The following ADH1C variants were observed in gnomAD, a reference collection of about 807,000 sequenced individuals.
ADH1C encodes alcohol dehydrogenase 1C.
ADH1C carries 26 observed loss-of-function variants against 35.0 expected under a neutral mutation model. That is an observed-to-expected ratio of 0.74 (90% CI 0.54 to 1.03). The LOEUF (loss-of-function observed/expected upper bound fraction) is 1.03, where lower values mean the gene tolerates loss of function less well. Among genes scored for constraint, ADH1C ranks in the 50% least tolerant of loss-of-function variants. ADH1C has a pLI of 0.00. For synonymous variants in ADH1C, 170 were observed against 169.3 expected (o/e 1.00, Z -0.03); for missense variants, 413 against 465.4 (o/e 0.89, Z 1.04).
intron 6 of ADH1C, among the ~76,000 whole-genome samples, chr4:99,341,705 T>C (rs1029310781): frequency 1.8e-4 from 28 of 152,168 alleles, no homozygotes; most frequent in African/African-American, 6.5e-4. Flanking sequence ...ACTTTTTCAG[T>C]AGGAGTCTAG....
At chr4:99,337,263 G>A (rs1268957370) in intron 8 of ADH1C, among the ~76,000 whole-genome samples, 1 of 151,632 alleles carries the variant, frequency 6.6e-6, no homozygotes, top group East Asian at 1.9e-4. Context: ...AATTTGCTCT[G>A]GTCGCACATC....
At chr4:99,348,347 A>G (rs982286991) in intron 1 of ADH1C, among the ~76,000 whole-genome samples, 5 of 147,170 alleles carry the variant, frequency 3.4e-5, no homozygotes, top group Non-Finnish European at 6.0e-5. Flanking sequence ...TCATTGTTCA[A>G]TTTCCACCTA....
chr4:99,347,917 C>T (rs1197510717), intron 1 of ADH1C, 71 bp from the exon 2 acceptor site: 4 of 1,557,468 alleles, frequency 2.6e-6, no homozygotes, highest in Middle Eastern at 1.7e-4. Context: ...GTCTTTTCAT[C>T]TTTGTACATG....
At chr4:99,340,792 T>C in intron 6 of ADH1C, 82 bp from the exon 7 acceptor site, 5 of 1,580,876 alleles carry the variant, frequency 3.2e-6, no homozygotes, top group Non-Finnish European at 4.3e-6. Flanking sequence ...TGTAATAGGC[T>C]TAGCTGGATT....
intron 5 of ADH1C, among the ~76,000 whole-genome samples, chr4:99,344,649 AT>A (rs1344079795): frequency 7.0e-6 from 1 of 143,708 alleles, no homozygotes; most frequent in Admixed American, 7.0e-5. Context: ...ATTATTGAAA[AT>A]GACATCTTTA....
chr4:99,337,419 G>A (rs1734302834), intron 8 of ADH1C, among the ~76,000 whole-genome samples: 2 of 152,026 alleles, frequency 1.3e-5, no homozygotes, highest in Non-Finnish European at 2.9e-5. Context: ...GATGTTTAAG[G>A]ATTCTTAGAA....
intron 8 of ADH1C, 133 bp downstream of exon 8, chr4:99,339,444 G>A: frequency 3.8e-6 from 3 of 781,896 alleles, no homozygotes; most frequent in South Asian, 4.1e-5. Context: ...AGATTGAACT[G>A]GCAATGGAAA....
At chr4:99,339,099 T>C (rs1734353166) in intron 8 of ADH1C, among the ~76,000 whole-genome samples, 1 of 152,148 alleles carries the variant, frequency 6.6e-6, no homozygotes, top group Non-Finnish European at 1.5e-5. Flanking sequence ...TCTAGTAATA[T>C]CTACTTAGAA....
intron 6 of ADH1C, among the ~76,000 whole-genome samples, chr4:99,342,451 A>AAAAT (rs1304374561): frequency 1.3e-5 from 2 of 152,232 alleles, no homozygotes; most frequent in African/African-American, 4.8e-5. Flanking sequence ...ATGTAAAAGA[A>AAAAT]AAATAAAACT....
chr4:99,340,849 C>T, intron 6 of ADH1C, 139 bp from the exon 7 acceptor site: 1 of 1,337,962 alleles, frequency 7.5e-7, no homozygotes, highest in South Asian at 1.5e-5. Context: ...CCTTCATTCC[C>T]CCTTTCTTTG....
chr4:99,349,039 A>G (rs2110663111), intron 1 of ADH1C, among the ~76,000 whole-genome samples: 1 of 140,566 alleles, frequency 7.1e-6, no homozygotes, highest in African/African-American at 2.6e-5. Context: ...CCTTTGTCAG[A>G]TGAGTAGGTT....
rs780641849 is a variant in ADH1C at position 99,345,076 on chromosome 4, C to T, written c.353G>A (p.Gly118Asp). Residue 118 changes from glycine to aspartate, a missense_variant, in exon 5 of 9, where the codon GGC (glycine) becomes GAC (aspartate). Physicochemically the swap from Gly to Asp is moderately conservative, Grantham distance 94. Coordinates refer to ENST00000515683, the MANE Select transcript of ADH1C (RefSeq NM_000669.5). ...ATCCTGCAGGGTCCCCCGAGGATTG[C>T]CTAGACTGGGCAGTGCAATACAAAG... ...ESNYCLKNDL[G>D]NPRGTLQDGT... 6 of 1,614,176 alleles carry T rather than the reference C, an allele frequency of 3.7e-6. No homozygotes were observed. The South Asian group carries it at 4.4e-5, about 12-fold the overall frequency.
intron 6 of ADH1C, among the ~76,000 whole-genome samples, chr4:99,341,840 GT>G (rs760551028): frequency 7.9e-5 from 12 of 152,098 alleles, no homozygotes; most frequent in Non-Finnish European, 1.8e-4. Context: ...ATTGGAAATA[GT>G]ATTTCATATC....
intron 5 of ADH1C, among the ~76,000 whole-genome samples, chr4:99,344,268 A>G (rs146016892): frequency 4.5e-4 from 68 of 152,358 alleles, no homozygotes; most frequent in African/African-American, 1.6e-3. Flanking sequence ...ACTTCTGAAT[A>G]CATATGTGTG....
rs375107720 is a variant in ADH1C at position 99,342,813 on chromosome 4, G to C, written c.810C>G (p.Ile270Met). 1 of 1,613,978 alleles carries C rather than the reference G, an allele frequency of 6.2e-7. No homozygotes were observed. Among genetic ancestry groups the C allele is most frequent in the East Asian group, 2.2e-5 (1 of 44,888 alleles). ...ATCATACCATGGTGTCAAGCCGACC[G>C]ATGACTTCAAACGAAAAATCCACAC... ...DGGVDFSFEVIGRLDTMMASL... is the reference protein window; with the variant it reads ...DGGVDFSFEVMGRLDTMMASL... The change falls in exon 6 of 9, where the codon ATC (isoleucine) becomes ATG (methionine). Residue 270 changes from isoleucine to methionine, a missense_variant. By Grantham distance (10) the Ile-to-Met change is conservative. Transcript: ENST00000515683.
intron 8 of ADH1C, among the ~76,000 whole-genome samples, chr4:99,338,438 TATATATACAC>T (rs1734334264): frequency 1.6e-5 from 1 of 64,266 alleles, no homozygotes; most frequent in Non-Finnish European, 3.5e-5. Flanking sequence ...TATATATATA[TATATATACAC>T]ACTCTTGAGG....
chr4:99,337,068 G>A (rs200798677), intron 8 of ADH1C, among the ~76,000 whole-genome samples: 7 of 152,230 alleles, frequency 4.6e-5, no homozygotes, highest in East Asian at 3.9e-4. Context: ...GCGTGCCCAA[G>A]TTCCTGGTAT....
At chr4:99,348,731 A>ACAGTCC (rs1469523800) in intron 1 of ADH1C, among the ~76,000 whole-genome samples, 1 of 151,514 alleles carries the variant, frequency 6.6e-6, no homozygotes, top group Non-Finnish European at 1.5e-5. Flanking sequence ...GAACTAGTTT[A>ACAGTCC]CAGTCCCACC....
At chr4:99,345,478 A>G (rs1662052) in intron 3 of ADH1C, among the ~76,000 whole-genome samples, 47,488 of 152,166 alleles carry the variant, frequency 0.31, 8,851 homozygotes, top group Non-Finnish European at 0.41. Flanking sequence ...AAGAGAAAAT[A>G]CAAGTGTGGG....
Sources: allele counts gnomAD v4.1 joint callset (sites outside exome capture counted in the v4.1 genomes callset), GRCh38; gene constraint gnomAD v4.1.1; transcripts MANE v1.5; gene names NCBI Gene and HGNC (gene_info 2026-07-23, HGNC 2026-07-21).